The following NGEF variants were observed in gnomAD, a reference collection of about 807,000 sequenced individuals.
NGEF encodes ephexin-1.
A neutral mutation model predicts 80.9 loss-of-function variants in NGEF; 31 were observed. The observed-to-expected ratio is 0.38, with a 90% CI of 0.29 to 0.52. NGEF has a LOEUF of 0.52. Ranked by LOEUF, NGEF falls within the 20% of genes least tolerant of loss-of-function variation. The pLI is 0.84. For missense variants in NGEF, 709 were observed against 926.2 expected, an observed-to-expected ratio of 0.77 and a Z score of 3.04; for synonymous variants, 371 against 370.2, an observed-to-expected ratio of 1.00 and a Z score of -0.03.
chr2:232,905,443 G>C (rs970016409), intron 5 of NGEF, among the ~76,000 whole-genome samples: 3 of 152,078 alleles, frequency 2.0e-5, no homozygotes, highest in Non-Finnish European at 2.9e-5. Flanking sequence ...GCGTGATCTC[G>C]GCTCGCTACA....
In NGEF at chr2:232,882,377, G is replaced by A. The variant is rs899002735; in HGVS notation, c.1758-112C>T. ...CTCGGATCTGCGTCCACCATCCTGA[G>A]CACCGCTCAAGCCCACCCCAGGGAC... On this transcript the variant is annotated intron_variant, in intron 12 of 14. Transcript: ENST00000264051. The A allele has an allele frequency of 5.1e-6, 5 of 984,300 alleles. No individual in the cohort carries two copies. In the Admixed American group the frequency reaches 6.1e-5, roughly 12 times the overall value. The allele number at this position is 984,300 out of a possible 1,614,324, so 61.0% of individuals were successfully genotyped here. A position where few individuals can be genotyped will look rare whatever the true frequency, so the allele number is the denominator to read the frequency against.
chr2:232,902,376 C>T (rs930613053), intron 5 of NGEF, among the ~76,000 whole-genome samples: 5 of 152,140 alleles, frequency 3.3e-5, no homozygotes, highest in Admixed American at 6.5e-5. Context: ...TTAGTGAATT[C>T]GAGGCCGGAC....
rs758930758 is a variant in NGEF, at chr2:232,884,094, C to T, written c.1488G>A (p.Leu496=). Residue 496 remains leucine (L), a synonymous_variant, in exon 11 of 15, where the codon CTG becomes CTA. Coordinates refer to ENST00000264051, the MANE Select transcript of NGEF (RefSeq NM_019850.3). ...HSRWLLKQGE[L]QQMSGPKTSR... Reference sequence around the variant, plus strand: ...AGGTCTTGGGGCCTGACATCTGCTGCAGCTCACCCTGCTTCAGCAGCCAGC... The same window carrying T: ...AGGTCTTGGGGCCTGACATCTGCTGTAGCTCACCCTGCTTCAGCAGCCAGC... 15 of 1,611,308 alleles carry T rather than the reference C, an allele frequency of 9.3e-6. No homozygotes were observed. The highest frequency in any genetic ancestry group is 1.1e-5 in the Non-Finnish European group (13 of 1,179,320).
At chr2:232,980,182 CAGGAGCTG>C (rs1178782894) in intron 1 of NGEF, among the ~76,000 whole-genome samples, 1 of 152,178 alleles carries the variant, frequency 6.6e-6, no homozygotes, top group Admixed American at 6.5e-5. Context: ...GCTTCAGGCC[CAGGAGCTG>C]AGGTGGCTGT....
At chr2:232,926,964 C>A in intron 4 of NGEF, 80 bp downstream of exon 4, 1 of 1,564,422 alleles carries the variant, frequency 6.4e-7, no homozygotes, top group Non-Finnish European at 8.8e-7. Flanking sequence ...ACAACGGCAT[C>A]CCATGAGCAG....
rs534620101 is a variant in NGEF, at chr2:232,918,153, TCAC to T, written c.828+2128_828+2130del. ...TTGTATTTTTAGTAAATACGGGGTT[TCAC>T]CACATTTGCCAGGCTGGTCTCGAAC... On this transcript the variant is annotated intron_variant, in intron 5 of 14. Coordinates refer to ENST00000264051, the MANE Select transcript of NGEF (RefSeq NM_019850.3). Among the ~76,000 whole-genome samples the T allele has an allele frequency of 2.0e-3, 312 of 152,296 alleles. 2 individuals are homozygous for T. Among genetic ancestry groups the T allele is most frequent in the African/African-American group, 7.3e-3 (303 of 41,560 alleles).
chr2:232,993,528 A>G (rs979230655), intron 1 of NGEF, among the ~76,000 whole-genome samples: 1 of 152,110 alleles, frequency 6.6e-6, no homozygotes, highest in African/African-American at 2.4e-5. Context: ...CAAAAGATCA[A>G]ACATAGAGTT....
intron 3 of NGEF, chr2:232,928,229 G>C (rs1574617648): frequency 1.0e-6 from 1 of 957,672 alleles, no homozygotes; most frequent in African/African-American, 1.8e-5. Context: ...GCGCGCGGCG[G>C]GGGCGAGGCC....
intron 1 of NGEF, among the ~76,000 whole-genome samples, chr2:233,000,880 C>T (rs533982963): frequency 1.3e-5 from 2 of 152,216 alleles, no homozygotes; most frequent in South Asian, 4.2e-4. Context: ...ACATTTAGCC[C>T]ATAACAACTG....
intron 13 of NGEF, 28 bp downstream of exon 13, chr2:232,882,158 G>A: frequency 6.2e-7 from 1 of 1,606,060 alleles, no homozygotes; most frequent in Non-Finnish European, 8.5e-7. Flanking sequence ...AAGGACAAAT[G>A]GCGCCCCCTT....
At chr2:232,991,224 G>A (rs952734114) in intron 1 of NGEF, among the ~76,000 whole-genome samples, 1 of 151,928 alleles carries the variant, frequency 6.6e-6, no homozygotes, top group Non-Finnish European at 1.5e-5. Context: ...TATAATGGAG[G>A]TTATAAGACC....
chr2:232,891,113 C>A, intron 8 of NGEF: 3 of 587,072 alleles, frequency 5.1e-6, no homozygotes, highest in Admixed American at 2.2e-5. Flanking sequence ...GTCGTGTCGG[C>A]CCATTTGGCT....
intron 1 of NGEF, among the ~76,000 whole-genome samples, chr2:232,982,379 A>G (rs1199018030): frequency 6.6e-6 from 1 of 152,162 alleles, no homozygotes; most frequent in African/African-American, 2.4e-5. Context: ...GATGGGGCTT[A>G]TTGAGGCAAA....
chr2:232,953,509 T>TAA (rs71398762), intron 3 of NGEF, among the ~76,000 whole-genome samples: 3 of 113,910 alleles, frequency 2.6e-5, no homozygotes, highest in Non-Finnish European at 4.0e-5. Flanking sequence ...TTTTTTTTTT[T>TAA]AAAAAAAAAA....
intron 5 of NGEF, among the ~76,000 whole-genome samples, chr2:232,910,121 G>C (rs936940236): frequency 6.6e-6 from 1 of 152,052 alleles, no homozygotes; most frequent in African/African-American, 2.4e-5. Context: ...GTCATGATTG[G>C]GGGGAGGGTT....
At chr2:232,903,030 A>C (rs892712836) in intron 5 of NGEF, among the ~76,000 whole-genome samples, 13 of 147,096 alleles carry the variant, frequency 8.8e-5, no homozygotes, top group African/African-American at 3.0e-4. Context: ...AAAATGTTTA[A>C]TCTAGCACAC....
At position 232,881,371 on chromosome 2, in the gene NGEF, C is replaced by G. The variant is rs1258960102; in HGVS notation, c.1838-121G>C. ...AACTCCCACAGCAACTGGAGAAGGG[C>G]TCGTCTGAGGAAGAGGAGGATTTGT... On this transcript the variant is annotated intron_variant, in intron 13 of 14. Coordinates refer to ENST00000264051, the MANE Select transcript of NGEF (RefSeq NM_019850.3). The G allele has an allele frequency of 1.4e-5, 10 of 710,320 alleles. No homozygotes were observed. In the Admixed American group the frequency reaches 2.5e-4, roughly 17 times the overall value. 44.0% of individuals were successfully genotyped at this position (710,320 alleles called of 1,614,324 possible).
At chr2:233,001,587 G>T (rs1392436869) in intron 1 of NGEF, among the ~76,000 whole-genome samples, 1 of 152,194 alleles carries the variant, frequency 6.6e-6, no homozygotes, top group Non-Finnish European at 1.5e-5. Context: ...AGGGTGATGA[G>T]GTCGTGCGGG....
At chr2:232,938,794 G>A (rs1574624200) in intron 3 of NGEF, among the ~76,000 whole-genome samples, 1 of 151,374 alleles carries the variant, frequency 6.6e-6, no homozygotes, top group East Asian at 1.9e-4. Context: ...ATATGCTGAG[G>A]GTGAAATTTG....
Sources: allele counts gnomAD v4.1 joint callset (sites outside exome capture counted in the v4.1 genomes callset), GRCh38; gene constraint gnomAD v4.1.1; transcripts MANE v1.5; gene names NCBI Gene and HGNC (gene_info 2026-07-23, HGNC 2026-07-21).